IFT122: variants seen among roughly 807,000 people sequenced by gnomAD.
IFT122 encodes intraflagellar transport protein 122 homolog.
IFT122 carries 118 observed loss-of-function variants against 161.6 expected under a neutral mutation model. The ratio of observed to expected loss-of-function variants is 0.73; its 90% CI spans 0.63 to 0.85. IFT122 has a LOEUF of 0.85. Among genes scored for constraint, IFT122 ranks in the 40% least tolerant of loss-of-function variants. The pLI is 0.00. For synonymous variants in IFT122, 550 were observed against 602.4 expected, an observed-to-expected ratio of 0.91 and a Z score of 1.27; for missense variants, 1,381 against 1,579.6, an observed-to-expected ratio of 0.87 and a Z score of 2.13.
chr3:129,492,958 C>T (rs1160010428), intron 17 of IFT122, among the ~76,000 whole-genome samples: 1 of 151,846 alleles, frequency 6.6e-6, no homozygotes, highest in Non-Finnish European at 1.5e-5. Context: ...GCTGGGACCA[C>T]ATGCATGTGC....
chr3:129,514,454 C>A lies in IFT122; in HGVS notation c.3053C>A (p.Ala1018Asp), dbSNP rs767833675. ...ALGAYRLARH[A>D]YDKLRGLYIP... Reference sequence around the variant, plus strand: ...GGTGCCTACAGGCTGGCCCGGCACGCCTATGACAAGCTGCGTGGCCTGTAC... The same window carrying A: ...GGTGCCTACAGGCTGGCCCGGCACGACTATGACAAGCTGCGTGGCCTGTAC... Residue 1018 changes from alanine to aspartate, a missense_variant, in exon 25 of 30, where the codon GCC (alanine) becomes GAC (aspartate). By Grantham distance (126) the Ala-to-Asp change is moderately radical (BLOSUM62 -2). Around this residue, in one of 7 missense-constraint regions of IFT122, gnomAD observed 496 missense variants for 502.5 expected, o/e 0.99. Coordinates refer to ENST00000348417, the MANE Select transcript of IFT122 (RefSeq NM_052989.3). 1.9e-6 allele frequency: 3 copies of A among 1,614,218 alleles called. No homozygotes were observed. Among genetic ancestry groups the A allele is most frequent in the South Asian group, 2.2e-5 (2 of 91,086 alleles).
chr3:129,511,842 T>A (rs2082872564), intron 23 of IFT122, among the ~76,000 whole-genome samples: 1 of 152,222 alleles, frequency 6.6e-6, no homozygotes, highest in Non-Finnish European at 1.5e-5. Flanking sequence ...GCTAAATGCC[T>A]CTGTTGAAAG....
At position 129,502,849 on chromosome 3, in the gene IFT122, G is replaced by A; in HGVS notation, c.2514G>A (p.Val838=). 1 of 1,612,316 alleles carries A rather than the reference G, an allele frequency of 6.2e-7. No individual in the cohort carries two copies. The highest frequency in any genetic ancestry group is 1.3e-5 in the African/African-American group (1 of 75,062). ...YLKMGDLKSL[V]QLHVETQRWD... is the part of the protein sequence containing the mutation. ...AGATGGGTGACCTCAAGTCCCTGGTGCAGCTGCACGTGGAGACCCAGCGCT... is the reference window on the plus strand; with the variant it reads ...AGATGGGTGACCTCAAGTCCCTGGTACAGCTGCACGTGGAGACCCAGCGCT... Residue 838 remains valine, a synonymous_variant, in exon 20 of 30, where the codon GTG becomes GTA. Coordinates refer to ENST00000348417, the MANE Select transcript of IFT122 (RefSeq NM_052989.3).
chr3:129,498,539 A>G (rs1169644485), intron 18 of IFT122, among the ~76,000 whole-genome samples: 2 of 152,156 alleles, frequency 1.3e-5, no homozygotes, highest in Admixed American at 6.5e-5. Context: ...CCTGTCTTCT[A>G]TTGGGTCCCA....
intron 1 of IFT122, among the ~76,000 whole-genome samples, chr3:129,442,441 T>G (rs982996760): frequency 6.6e-6 from 1 of 152,098 alleles, no homozygotes; most frequent in African/African-American, 2.4e-5. Context: ...AAAGATTGGT[T>G]TTCTGGTTTT....
In IFT122 at chr3:129,449,863, C is replaced by A; in HGVS notation, c.42-8C>A. 1 of 1,607,952 alleles carries A rather than the reference C, an allele frequency of 6.2e-7. No individual in the cohort carries two copies. Among genetic ancestry groups the A allele is most frequent in the Non-Finnish European group, 8.5e-7 (1 of 1,174,418 alleles). ...CCTAATTGTCTTTTTCCCTTGTCTT[C>A]TGTTCAGTATAAATGACATCGCATT... On this transcript the variant is annotated splice_polypyrimidine_tract_variant and splice_region_variant and intron_variant, in intron 1 of 29. Transcript: ENST00000348417.
chr3:129,503,476 A>G (rs1233982062), intron 20 of IFT122, among the ~76,000 whole-genome samples: 3 of 152,042 alleles, frequency 2.0e-5, no homozygotes, highest in African/African-American at 7.2e-5. Flanking sequence ...TGCCCCTTCT[A>G]TGGCTCAACC....
At chr3:129,487,304 G>A (rs1577747161) in intron 15 of IFT122, among the ~76,000 whole-genome samples, 6 of 152,168 alleles carry the variant, frequency 3.9e-5, no homozygotes, top group Admixed American at 2.6e-4. Flanking sequence ...ATATACACGC[G>A]TGCATACATG....
intron 3 of IFT122, among the ~76,000 whole-genome samples, chr3:129,457,208 G>A (rs1577309764): frequency 6.6e-6 from 1 of 152,314 alleles, no homozygotes. Context: ...GTGGAACAGT[G>A]TAATTAATAA....
intron 27 of IFT122, 98 bp downstream of exon 27, chr3:129,517,692 C>T (rs1267659171): frequency 4.1e-6 from 6 of 1,468,462 alleles, no homozygotes; most frequent in Non-Finnish European, 5.7e-6. Context: ...GATCGCGGGC[C>T]ATGCTGAGCC....
intron 4 of IFT122, among the ~76,000 whole-genome samples, chr3:129,459,149 C>G (rs2075871104): frequency 1.3e-5 from 2 of 152,222 alleles, no homozygotes; most frequent in Admixed American, 6.5e-5. Context: ...TTTGTAAGGA[C>G]TTTCCTGCCT....
intron 7 of IFT122, among the ~76,000 whole-genome samples, chr3:129,466,364 T>A (rs1419418517): frequency 6.6e-6 from 1 of 152,136 alleles, no homozygotes; most frequent in Non-Finnish European, 1.5e-5. Flanking sequence ...GCTGTTTGAT[T>A]TGTGGCTGCA....
chr3:129,507,877 G>T, intron 23 of IFT122, 115 bp downstream of exon 23: 1 of 820,882 alleles, frequency 1.2e-6, no homozygotes, highest in Non-Finnish European at 2.1e-6. Context: ...ACAGTGAACT[G>T]CTGAGGAATC....
intron 9 of IFT122, among the ~76,000 whole-genome samples, chr3:129,470,142 T>A (rs555630826): frequency 6.6e-6 from 1 of 152,304 alleles, no homozygotes; most frequent in Admixed American, 6.5e-5. Context: ...AATGAAAATA[T>A]ATGACAGTTC....
At chr3:129,446,390 A>AATTTTTTGT (rs61207347) in intron 1 of IFT122, among the ~76,000 whole-genome samples, 20,021 of 151,454 alleles carry the variant, frequency 0.13, 1,698 homozygotes, top group South Asian at 0.24. Flanking sequence ...ATGCTTGGCT[A>AATTTTTTGT]ATTTTTTGTA....
rs1445139408 is a variant in IFT122, at chr3:129,463,564, G to A, written c.354G>A (p.Leu118=). The part of the protein sequence containing the change: ...LASCSSSDFG[L]WSPEQKSVSK... Reference sequence around the variant, plus strand: ...TTATATTATTGTGCATTGAAGGGTTGTGGTCTCCTGAACAGAAGTCTGTCT... The same window carrying A: ...TTATATTATTGTGCATTGAAGGGTTATGGTCTCCTGAACAGAAGTCTGTCT... Residue 118 remains leucine (L), a synonymous_variant, in exon 6 of 30, where the codon TTG becomes TTA. Coordinates refer to ENST00000348417, the MANE Select transcript of IFT122 (RefSeq NM_052989.3). The A allele has an allele frequency of 1.9e-6, 3 of 1,613,600 alleles. No individual in the cohort carries two copies. The highest frequency in any genetic ancestry group is 1.3e-5 in the African/African-American group (1 of 75,030).
In IFT122 at chr3:129,516,563, GCA is replaced by G. The variant is rs774399900; in HGVS notation, c.3266-891_3266-890del. 5.4e-3 allele frequency among the ~76,000 whole-genome samples: 486 copies of G among 90,220 alleles called. 6 individuals carry two copies. Among genetic ancestry groups the G allele is most frequent in the South Asian group, 7.6e-3 (18 of 2,362 alleles). The allele number at this position is 90,220 out of a possible 152,430, so 59.2% of individuals were successfully genotyped here. A position where few individuals can be genotyped will look rare whatever the true frequency, so the allele number is the denominator to read the frequency against. On this transcript the variant is annotated intron_variant, in intron 26 of 29. Coordinates refer to ENST00000348417, the MANE Select transcript of IFT122 (RefSeq NM_052989.3). ...CCCTGCACACACACAGATTGCTCCT[GCA>G]CACACACACACACAGAGAGACTGCC...
intron 13 of IFT122, among the ~76,000 whole-genome samples, chr3:129,480,658 T>A (rs1278070934): frequency 1.3e-5 from 2 of 152,092 alleles, no homozygotes; most frequent in Non-Finnish European, 2.9e-5. Flanking sequence ...GGCCGCTTAT[T>A]TCTCAGGCAG....
At position 129,484,440 on chromosome 3, in the gene IFT122, A is replaced by G. The variant is rs138643237; in HGVS notation, c.1851+758A>G. ...GCTTAGCGCTTTTCTACGTGTATAT[A>G]TAATATATGCATAATATACAATTAG... is the stretch of plus-strand genomic sequence containing the variant. On this transcript the variant is annotated intron_variant, in intron 15 of 29. Transcript: ENST00000348417. Among the ~76,000 whole-genome samples, 9 of 152,336 alleles carry G rather than the reference A, an allele frequency of 5.9e-5. No homozygotes were observed. The East Asian group carries it at 1.3e-3, about 23-fold the overall frequency.
Sources: gnomAD v4.1 joint callset for allele counts (sites outside exome capture counted in the v4.1 genomes callset) on GRCh38, gnomAD v4.1.1 for gene constraint, gnomAD v4.1.1 regional missense constraint, MANE v1.5 for transcripts, NCBI Gene and HGNC (gene_info 2026-07-23, HGNC 2026-07-21) for gene names.